ATP8A1: variants seen among roughly 807,000 people sequenced by gnomAD.
The protein encoded by ATP8A1 is phospholipid-transporting ATPase IA.
ATP8A1 carries 90 observed loss-of-function variants against 177.7 expected under a neutral mutation model. The ratio of observed to expected loss-of-function variants is 0.51; its 90% confidence interval spans 0.43 to 0.60. ATP8A1 has a LOEUF of 0.60. Ranked by LOEUF, ATP8A1 falls within the 20% of genes least tolerant of loss-of-function variation. The pLI, the probability that ATP8A1 is intolerant of heterozygous loss-of-function variation, is 0.00. For synonymous variants in ATP8A1, 493 were observed against 485.9 expected, an observed-to-expected ratio of 1.01 and a Z score of -0.19; for missense variants, 1,072 against 1,392.8, an observed-to-expected ratio of 0.77 and a Z score of 3.67.
chr4:42,580,896 C>A (rs934975787), intron 10 of ATP8A1, among the ~76,000 whole-genome samples: 24 of 152,020 alleles, frequency 1.6e-4, no homozygotes, highest in Non-Finnish European at 3.4e-4. Context: ...GAAAAATGGT[C>A]ATTTGATTCA....
chr4:42,438,151 G>A (rs1330722312), intron 33 of ATP8A1, among the ~76,000 whole-genome samples: 4 of 152,208 alleles, frequency 2.6e-5, no homozygotes, highest in African/African-American at 9.6e-5. Context: ...ACAGACAGGA[G>A]TGTGCACGGT....
chr4:42,547,654 G>A (rs1729065104), intron 19 of ATP8A1, among the ~76,000 whole-genome samples: 1 of 152,144 alleles, frequency 6.6e-6, no homozygotes, highest in South Asian at 2.1e-4. Flanking sequence ...GACGAGGAGT[G>A]CACTTTGAAA....
chr4:42,587,668 G>A (rs1227420928), intron 8 of ATP8A1, among the ~76,000 whole-genome samples: 6 of 148,844 alleles, frequency 4.0e-5, no homozygotes, highest in Admixed American at 2.0e-4. Context: ...GTGCAGTGGC[G>A]CATTCTTGGC....
At chr4:42,589,246 T>C (rs1316659406) in intron 7 of ATP8A1, among the ~76,000 whole-genome samples, 1 of 152,196 alleles carries the variant, frequency 6.6e-6, no homozygotes, top group Non-Finnish European at 1.5e-5. Context: ...AGAAAAGCAT[T>C]CTAATCTAAT....
chr4:42,501,565 A>G (rs1002399275), intron 24 of ATP8A1, among the ~76,000 whole-genome samples: 3 of 152,266 alleles, frequency 2.0e-5, no homozygotes, highest in Non-Finnish European at 4.4e-5. Flanking sequence ...AATGCTAATT[A>G]TTCTTTGTGC....
intron 22 of ATP8A1, among the ~76,000 whole-genome samples, chr4:42,513,251 A>G (rs548920477): frequency 3.3e-5 from 5 of 152,318 alleles, no homozygotes; most frequent in African/African-American, 1.2e-4. Flanking sequence ...CAAACTACAA[A>G]GCCTTTAAAC....
At chr4:42,561,166 T>C (rs974540423) in intron 15 of ATP8A1, among the ~76,000 whole-genome samples, 2 of 152,214 alleles carry the variant, frequency 1.3e-5, no homozygotes, top group South Asian at 2.1e-4. Flanking sequence ...CGAGGACAAG[T>C]GCACTTGCTT....
At chr4:42,413,062 A>G (rs1712806758) in intron 36 of ATP8A1, 49 bp from the exon 37 acceptor site, 6 of 1,492,212 alleles carry the variant, frequency 4.0e-6, no homozygotes, top group Middle Eastern at 1.7e-4. Context: ...ACTGGAAACC[A>G]CCGTTATTCT....
chr4:42,487,874 C>T (rs1358837112), intron 24 of ATP8A1, among the ~76,000 whole-genome samples: 1 of 152,094 alleles, frequency 6.6e-6, no homozygotes, highest in Non-Finnish European at 1.5e-5. Context: ...TGCCCTGTTC[C>T]CCATTACACA....
chr4:42,633,016 A>T (rs1738910454), intron 1 of ATP8A1, among the ~76,000 whole-genome samples: 1 of 152,200 alleles, frequency 6.6e-6, no homozygotes, highest in Non-Finnish European at 1.5e-5. Flanking sequence ...AAAGTAAAAA[A>T]AATTTCCCTT....
intron 15 of ATP8A1, among the ~76,000 whole-genome samples, chr4:42,560,412 C>T (rs577376102): frequency 6.6e-6 from 1 of 152,168 alleles, no homozygotes; most frequent in African/African-American, 2.4e-5. Context: ...CAAAACCCAT[C>T]AGTCATCTGA....
intron 33 of ATP8A1, among the ~76,000 whole-genome samples, chr4:42,426,447 T>C (rs1714630639): frequency 6.6e-6 from 1 of 152,354 alleles, no homozygotes; most frequent in South Asian, 2.1e-4. Flanking sequence ...ACTGTCTCCA[T>C]GGACCCCAGT....
intron 24 of ATP8A1, among the ~76,000 whole-genome samples, chr4:42,494,162 CAAAAA>C (rs397993131): frequency 1.4e-3 from 75 of 53,456 alleles, no homozygotes; most frequent in African/African-American, 4.0e-3. Flanking sequence ...GATCATGCCA[CAAAAA>C]AAAAAAAAAA....
chr4:42,562,944 A>G (rs1465295295), intron 15 of ATP8A1, among the ~76,000 whole-genome samples: 1 of 152,230 alleles, frequency 6.6e-6, no homozygotes, highest in African/African-American at 2.4e-5. Context: ...AGTCTCAGGT[A>G]TGTCTTTATC....
chr4:42,507,118 T>C lies in ATP8A1; in HGVS notation c.1984A>G (p.Lys662Glu). The C allele has an allele frequency of 6.2e-7, 1 of 1,614,052 alleles. No homozygotes were observed. Among genetic ancestry groups the C allele is most frequent in the South Asian group, 1.1e-5 (1 of 91,054 alleles). Residue 662 changes from lysine (K) to glutamate (E), a missense_variant, in exon 23 of 37, where the codon AAA (lysine) becomes GAA (glutamate). Physicochemically the swap from Lys to Glu is moderately conservative, Grantham distance 56 (BLOSUM62 1). Around this residue, in one of 5 missense-constraint regions of ATP8A1, gnomAD observed 388 missense variants for 471.7 expected, o/e 0.82. Transcript: ENST00000381668. ...QLLGATAIED[K>E]LQDQVPETIE... Reference sequence around the variant, plus strand: ...GTTTCAGGCACTTGATCTTGTAATTTATCCTCAATGGCTGTTGCTCCAAGT... The same window carrying C: ...GTTTCAGGCACTTGATCTTGTAATTCATCCTCAATGGCTGTTGCTCCAAGT...
chr4:42,632,161 T>C (rs6837230), intron 1 of ATP8A1, among the ~76,000 whole-genome samples: 44,034 of 152,080 alleles, frequency 0.29, 6,534 homozygotes, highest in East Asian at 0.5. Context: ...TGAAAGCACA[T>C]TTGTATAGCA....
At chr4:42,645,475 C>T (rs1212644198) in intron 1 of ATP8A1, among the ~76,000 whole-genome samples, 1 of 152,180 alleles carries the variant, frequency 6.6e-6, no homozygotes, top group African/African-American at 2.4e-5. Flanking sequence ...TACCACTGCA[C>T]ATGAGAATTA....
At chr4:42,570,977 C>T (rs574879374) in intron 14 of ATP8A1, among the ~76,000 whole-genome samples, 1 of 152,296 alleles carries the variant, frequency 6.6e-6, no homozygotes, top group African/African-American at 2.4e-5. Flanking sequence ...TTAGACTATA[C>T]ACTTTAGGCA....
At chr4:42,554,333 C>G (rs547335556) in intron 16 of ATP8A1, among the ~76,000 whole-genome samples, 5 of 152,172 alleles carry the variant, frequency 3.3e-5, no homozygotes, top group African/African-American at 1.2e-4. Flanking sequence ...ACTCAGAGAT[C>G]TGGACATGGA....
Sources: allele counts gnomAD v4.1 joint callset (sites outside exome capture counted in the v4.1 genomes callset), GRCh38; gene constraint gnomAD v4.1.1; regional missense constraint gnomAD v4.1.1; transcripts MANE v1.5; gene names NCBI Gene and HGNC (gene_info 2026-07-23, HGNC 2026-07-21).